The following SORBS2 variants were observed in gnomAD, a reference collection of about 807,000 sequenced individuals.
SORBS2 encodes sorbin and SH3 domain-containing protein 2.
A neutral mutation model predicts 97.7 loss-of-function variants in SORBS2; 46 were observed. That is an observed-to-expected ratio of 0.47 (90% CI 0.37 to 0.60). The LOEUF is 0.60. Ranked by LOEUF, SORBS2 falls within the 20% of genes least tolerant of loss-of-function variation. The pLI is 0.00. For synonymous variants in SORBS2, 476 were observed against 473.4 expected (o/e 1.01, Z -0.07); for missense variants, 1,316 against 1,282.3 (o/e 1.03, Z -0.40).
intron 4 of SORBS2, 76 bp from the exon 16 acceptor site, chr4:185,635,487 A>G (rs971327693): frequency 1.8e-6 from 2 of 1,113,580 alleles, no homozygotes; most frequent in Non-Finnish European, 2.7e-6. Context: ...AGGAATGAAC[A>G]TGTGGAAAAG....
chr4:185,820,944 T>G (rs931914269), intron 1 of SORBS2, among the ~76,000 whole-genome samples: 1 of 152,276 alleles, frequency 6.6e-6, no homozygotes, highest in South Asian at 2.1e-4. Flanking sequence ...CCCAGGTGAA[T>G]GAATTCTATC....
intron 2 of SORBS2, among the ~76,000 whole-genome samples, chr4:185,690,014 A>C (rs749853898): frequency 2.0e-5 from 3 of 152,232 alleles, no homozygotes; most frequent in Non-Finnish European, 2.9e-5. Flanking sequence ...TTACAGTTAA[A>C]ATGTAGACAA....
At chr4:185,709,111 G>A (rs998478170) in intron 2 of SORBS2, among the ~76,000 whole-genome samples, 1 of 152,074 alleles carries the variant, frequency 6.6e-6, no homozygotes, top group Non-Finnish European at 1.5e-5. Flanking sequence ...TCCGCCTCTC[G>A]GGTTCAAGCG....
intron 4 of SORBS2, 69 bp from the exon 14 acceptor site, chr4:185,639,104 C>G: frequency 7.3e-7 from 1 of 1,371,460 alleles, no homozygotes; most frequent in Non-Finnish European, 9.7e-7. Flanking sequence ...CGAGGACACC[C>G]TGGCAGCGCG....
At chr4:185,889,681 A>G (rs994696090) in intron 1 of SORBS2, among the ~76,000 whole-genome samples, 2 of 151,354 alleles carry the variant, frequency 1.3e-5, no homozygotes, top group African/African-American at 2.4e-5. Flanking sequence ...TTTCCACCCA[A>G]TCTGTGCTTC....
intron 2 of SORBS2, 47 bp downstream of exon 11, chr4:185,651,737 A>C (rs898452450): frequency 1.8e-6 from 2 of 1,081,628 alleles, no homozygotes; most frequent in Non-Finnish European, 2.9e-6. Flanking sequence ...TCTTCCAAAC[A>C]TTGCTGAGCA....
chr4:185,778,037 T>C (rs961666458), intron 1 of SORBS2, among the ~76,000 whole-genome samples: 2 of 152,214 alleles, frequency 1.3e-5, no homozygotes, highest in Non-Finnish European at 2.9e-5. Context: ...TGACATTAAT[T>C]TTTATATTAT....
intron 4 of SORBS2, among the ~76,000 whole-genome samples, chr4:185,669,330 C>T (rs2097671637): frequency 6.6e-6 from 1 of 152,226 alleles, no homozygotes; most frequent in East Asian, 1.9e-4. Flanking sequence ...AGGCGGGCGT[C>T]ATTGACCCAT....
At chr4:185,586,324 T>G (rs1285173449) in exon 15 of SORBS2, 1 of 152,636 alleles carries the variant, frequency 6.6e-6, no homozygotes, top group Non-Finnish European at 1.5e-5. Context: ...TTTTTTAAAT[T>G]TCTGCTTCAG....
intron 2 of SORBS2, among the ~76,000 whole-genome samples, chr4:185,753,230 T>A (rs1009386276): frequency 6.6e-6 from 1 of 152,172 alleles, no homozygotes; most frequent in African/African-American, 2.4e-5. Context: ...CACCAACCCA[T>A]AAACACAAAA....
chr4:185,670,835 C>T (rs2097702150), intron 4 of SORBS2, among the ~76,000 whole-genome samples: 1 of 152,120 alleles, frequency 6.6e-6, no homozygotes, highest in African/African-American at 2.4e-5. Flanking sequence ...CTGGCCACAG[C>T]TGATTAGGAA....
chr4:185,605,495 G>T (rs2096391340), intron 12 of SORBS2, among the ~76,000 whole-genome samples: 1 of 151,466 alleles, frequency 6.6e-6, no homozygotes, highest in Non-Finnish European at 1.5e-5. Flanking sequence ...TGTTGGACAG[G>T]TTGGTTTCGA....
At chr4:185,627,369 C>T (rs1016340486) in intron 5 of SORBS2, among the ~76,000 whole-genome samples, 2 of 152,120 alleles carry the variant, frequency 1.3e-5, no homozygotes, top group Admixed American at 6.5e-5. Flanking sequence ...GCCACCTCAC[C>T]TGGCTAATTT....
At chr4:185,842,843 G>A (rs1348570990) in intron 1 of SORBS2, among the ~76,000 whole-genome samples, 2 of 149,892 alleles carry the variant, frequency 1.3e-5, no homozygotes, top group African/African-American at 2.5e-5. Flanking sequence ...GCTGAGGCAA[G>A]GGAATCGCTT....
At chr4:185,638,958 T>A in intron 4 of SORBS2, 2 of 1,522,942 alleles carry the variant, frequency 1.3e-6, no homozygotes. Context: ...TACCAGTGAC[T>A]TCTCCGAGTC....
intron 1 of SORBS2, among the ~76,000 whole-genome samples, chr4:185,851,808 A>G (rs1455177482): frequency 6.6e-6 from 1 of 152,170 alleles, no homozygotes; most frequent in Non-Finnish European, 1.5e-5. Context: ...GCCCTCGAAC[A>G]TCAGACTCCA....
At chr4:185,813,120 T>C (rs2099189655) in intron 1 of SORBS2, 1 of 152,250 alleles carries the variant, frequency 6.6e-6, no homozygotes, top group Admixed American at 6.5e-5. Flanking sequence ...AGTCATATTC[T>C]ATCTGATATA....
chr4:185,815,322 A>C (rs1051674669), intron 1 of SORBS2, among the ~76,000 whole-genome samples: 2 of 152,158 alleles, frequency 1.3e-5, no homozygotes, highest in Non-Finnish European at 2.9e-5. Context: ...AATTTTAAAC[A>C]ACGTGGTCAT....
At chr4:185,737,943 C>T (rs2098698553) in intron 2 of SORBS2, among the ~76,000 whole-genome samples, 1 of 152,212 alleles carries the variant, frequency 6.6e-6, no homozygotes, top group African/African-American at 2.4e-5. Context: ...CAGTGTGGGC[C>T]ACGCTCAGGT....
Sources: gnomAD v4.1 joint callset for allele counts (sites outside exome capture counted in the v4.1 genomes callset) on GRCh38, gnomAD v4.1.1 for gene constraint, MANE v1.5 for transcripts, NCBI Gene and HGNC (gene_info 2026-07-23, HGNC 2026-07-21) for gene names.